The following TOX2 variants were observed in gnomAD, a reference collection of about 807,000 sequenced individuals.
TOX2 encodes the protein granulosa cell HMG box 1.
A neutral mutation model predicts 47.4 loss-of-function variants in TOX2; 15 were observed. The ratio of observed to expected loss-of-function variants is 0.32; its 90% CI spans 0.21 to 0.49. The LOEUF (loss-of-function observed/expected upper bound fraction) is 0.49, where lower values mean the gene tolerates loss of function less well. TOX2 is among the 20% of genes least tolerant of loss of function. The probability of loss-of-function intolerance (pLI) is 0.99; values close to 1 mark genes in which losing one functional copy is unlikely to be tolerated. For synonymous variants in TOX2, 290 were observed against 296.6 expected, an observed-to-expected ratio of 0.98 and a Z score of 0.23; for missense variants, 622 against 673.1, an observed-to-expected ratio of 0.92 and a Z score of 0.84.
At chr20:44,020,831 T>C (rs2070963984) in intron 3 of TOX2, among the ~76,000 whole-genome samples, 12 of 152,238 alleles carry the variant, frequency 7.9e-5, no homozygotes. Context: ...TAGGATGCAC[T>C]TGTGTTTCTG....
chr20:43,955,342 GC>G (rs2069649480), intron 1 of TOX2: 2 of 978,708 alleles, frequency 2.0e-6, no homozygotes, highest in Non-Finnish European at 2.4e-6. Context: ...CCATCGCAGA[GC>G]CTGAAACCCG....
chr20:43,935,542 C>T (rs1423149787), intron 1 of TOX2, among the ~76,000 whole-genome samples: 1 of 152,100 alleles, frequency 6.6e-6, no homozygotes, highest in Non-Finnish European at 1.5e-5. Context: ...CTACAACAGC[C>T]CTGCAAATTA....
At chr20:44,045,135 C>CT (rs2071393526) in intron 3 of TOX2, among the ~76,000 whole-genome samples, 1 of 152,058 alleles carries the variant, frequency 6.6e-6, no homozygotes, top group Non-Finnish European at 1.5e-5. Flanking sequence ...TTCTTATTTA[C>CT]TAGGGATGGA....
intron 5 of TOX2, among the ~76,000 whole-genome samples, chr20:44,064,268 C>T (rs900863991): frequency 2.0e-5 from 3 of 152,190 alleles, no homozygotes; most frequent in Admixed American, 1.3e-4. Flanking sequence ...TGCACCTCCT[C>T]GTTTCTACCA....
At chr20:43,981,476 C>T (rs566246842) in intron 2 of TOX2, among the ~76,000 whole-genome samples, 21 of 152,258 alleles carry the variant, frequency 1.4e-4, no homozygotes, top group South Asian at 1.2e-3. Context: ...GATACATGGA[C>T]GCTAGAGTGG....
intron 1 of TOX2, among the ~76,000 whole-genome samples, chr20:43,947,272 C>T (rs990277485): frequency 1.3e-5 from 2 of 152,366 alleles, no homozygotes; most frequent in South Asian, 2.1e-4. Flanking sequence ...AAAATGGGGA[C>T]ACTGATGCCT....
intron 1 of TOX2, among the ~76,000 whole-genome samples, chr20:43,943,338 T>G (rs1288933402): frequency 6.6e-6 from 1 of 152,252 alleles, no homozygotes; most frequent in Non-Finnish European, 1.5e-5. Flanking sequence ...AAGAGTTTGA[T>G]GAAGAATGCA....
chr20:43,963,525 A>G (rs1275174186), intron 1 of TOX2, among the ~76,000 whole-genome samples: 1 of 152,226 alleles, frequency 6.6e-6, no homozygotes, highest in African/African-American at 2.4e-5. Context: ...CTTAGGAGTC[A>G]GCAGCCTGGA....
intron 1 of TOX2, among the ~76,000 whole-genome samples, chr20:43,972,680 G>A (rs1427069858): frequency 6.6e-6 from 1 of 152,224 alleles, no homozygotes; most frequent in Non-Finnish European, 1.5e-5. Flanking sequence ...GGGCAAAGAG[G>A]GAGGCGGGGG....
chr20:43,976,008 C>G lies in TOX2; in HGVS notation c.165+2576C>G, dbSNP rs1473309180. Reference sequence around the variant, plus strand: ...TTTATGCTGTGACCCAGAGGGTCTCCCTAACTTAGGACTTTATGAAGAAGA... The same window carrying G: ...TTTATGCTGTGACCCAGAGGGTCTCGCTAACTTAGGACTTTATGAAGAAGA... On this transcript the variant is annotated intron_variant, in intron 2 of 8. Transcript: ENST00000341197. Among the ~76,000 whole-genome samples, 3 of 152,174 alleles carry G rather than the reference C, an allele frequency of 2.0e-5. No individual in the cohort carries two copies. In the East Asian group the frequency reaches 5.8e-4, roughly 29 times the overall value.
At chr20:43,995,552 G>A (rs570265897) in intron 2 of TOX2, among the ~76,000 whole-genome samples, 93 of 152,308 alleles carry the variant, frequency 6.1e-4, no homozygotes, top group Non-Finnish European at 3.1e-4. Flanking sequence ...GGGTACGTGT[G>A]AAGGTTTGTT....
intron 3 of TOX2, 63 bp from the exon 4 acceptor site, chr20:44,051,243 C>T: frequency 6.5e-7 from 1 of 1,540,082 alleles, no homozygotes; most frequent in Non-Finnish European, 8.8e-7. Context: ...TCCGCTAGCA[C>T]AGATGTGATG....
At chr20:44,035,506 T>C (rs2071225561) in intron 3 of TOX2, among the ~76,000 whole-genome samples, 1 of 152,102 alleles carries the variant, frequency 6.6e-6, no homozygotes, top group Admixed American at 6.5e-5. Flanking sequence ...TGCACATGTC[T>C]TACTCCTGTT....
chr20:44,040,298 AT>A (rs1325657081), intron 3 of TOX2, among the ~76,000 whole-genome samples: 3 of 152,226 alleles, frequency 2.0e-5, no homozygotes, highest in African/African-American at 7.2e-5. Flanking sequence ...ATGGGAGGAA[AT>A]GTCAGAACCT....
intron 5 of TOX2, among the ~76,000 whole-genome samples, chr20:44,063,372 T>TA (rs1003085380): frequency 6.6e-6 from 1 of 152,028 alleles, no homozygotes; most frequent in African/African-American, 2.4e-5. Flanking sequence ...ACAAACATAT[T>TA]AAAAAATACT....
At chr20:43,928,308 G>A (rs1400585155) in intron 1 of TOX2, among the ~76,000 whole-genome samples, 1 of 152,248 alleles carries the variant, frequency 6.6e-6, no homozygotes, top group East Asian at 1.9e-4. Context: ...AGCACCTGGT[G>A]TAGTTAGCTT....
intron 1 of TOX2, among the ~76,000 whole-genome samples, chr20:43,958,047 C>T (rs903018718): frequency 2.0e-5 from 3 of 152,192 alleles, no homozygotes; most frequent in African/African-American, 7.2e-5. Flanking sequence ...TAAATCATAT[C>T]AGCCTCTCTC....
chr20:43,932,525 G>A (rs554846075), intron 1 of TOX2, among the ~76,000 whole-genome samples: 3 of 152,308 alleles, frequency 2.0e-5, no homozygotes, highest in East Asian at 1.9e-4. Flanking sequence ...AAGGTGAACC[G>A]CTTCCCTCCT....
At chr20:43,996,058 G>A (rs1419171021) in intron 2 of TOX2, among the ~76,000 whole-genome samples, 1 of 152,204 alleles carries the variant, frequency 6.6e-6, no homozygotes, top group Non-Finnish European at 1.5e-5. Flanking sequence ...TTGAATGGTA[G>A]TTCTGCTTTT....
Sources: gnomAD v4.1 joint callset for allele counts (sites outside exome capture counted in the v4.1 genomes callset) on GRCh38, gnomAD v4.1.1 for gene constraint, MANE v1.5 for transcripts, NCBI Gene and HGNC (gene_info 2026-07-23, HGNC 2026-07-21) for gene names.